The following NFIB variants were observed in gnomAD, a reference collection of about 807,000 sequenced individuals.
NFIB encodes the protein nuclear factor I B, also known as nuclear factor 1 B-type.
Under a neutral mutation model 61.5 loss-of-function variants are expected in NFIB, and 11 were observed. The ratio of observed to expected loss-of-function variants is 0.18; its 90% CI spans 0.11 to 0.30. The LOEUF (loss-of-function observed/expected upper bound fraction) is 0.30, where lower values mean the gene tolerates loss of function less well. Among genes scored for constraint, NFIB ranks in the 10% least tolerant of loss-of-function variants. NFIB has a pLI of 1.00. For missense variants in NFIB, 471 were observed against 608.9 expected, an observed-to-expected ratio of 0.77 and a Z score of 2.38; for synonymous variants, 260 against 216.5, an observed-to-expected ratio of 1.20 and a Z score of -1.76.
At chr9:14,138,031 G>C (rs958935876) in intron 6 of NFIB, among the ~76,000 whole-genome samples, 4 of 152,100 alleles carry the variant, frequency 2.6e-5, no homozygotes, top group Non-Finnish European at 5.9e-5. Flanking sequence ...TTGGGATACA[G>C]TATTATATAG....
upstream of NFIB, among the ~76,000 whole-genome samples, chr9:14,319,115 C>T (rs746894206): frequency 1.3e-5 from 2 of 151,824 alleles, no homozygotes; most frequent in South Asian, 4.2e-4. Flanking sequence ...TTTGGTGTCC[C>T]CTGAGGACAA....
rs558137907 is a variant in NFIB at position 14,117,359 on chromosome 9, T to C, written c.1246-1013A>G. Among the ~76,000 whole-genome samples, 33 of 152,304 alleles carry C rather than the reference T, an allele frequency of 2.2e-4. No individual in the cohort carries two copies. In the East Asian group the frequency reaches 6.2e-3, roughly 29 times the overall value. ...CACTCTTTGAAGAAATAGTGGAATA[T>C]ATTTTTCTAGACTGAGAATGTTATT... On this transcript the variant is annotated intron_variant, in intron 8 of 10. Transcript: ENST00000380953.
rs531412530 is a variant in NFIB, at chr9:14,085,978, A to G, written c.*2331T>C. 2.2e-5 allele frequency: 5 copies of G among 229,742 alleles called. No individual in the cohort carries two copies. The East Asian group carries it at 3.1e-4, about 14-fold the overall frequency. 14.2% of individuals were successfully genotyped at this position (229,742 alleles called of 1,614,324 possible). ...CCACTGTGGATCTGGAACTTTCAAGAAAAACTATCACCAAGCCAAGTCTGC... is the reference window on the plus strand; with the variant it reads ...CCACTGTGGATCTGGAACTTTCAAGGAAAACTATCACCAAGCCAAGTCTGC... On this transcript the variant is annotated 3_prime_UTR_variant, in exon 11 of 11. Coordinates refer to ENST00000380953, the MANE Select transcript of NFIB (RefSeq NM_001190737.2).
intron 7 of NFIB, among the ~76,000 whole-genome samples, chr9:14,124,341 T>C (rs942278397): frequency 5.9e-5 from 9 of 152,184 alleles, no homozygotes. Context: ...TTCACCTATC[T>C]CAATGGTATA....
intron 1 of NFIB, among the ~76,000 whole-genome samples, chr9:14,393,270 T>C (rs373401082): frequency 6.6e-6 from 1 of 152,186 alleles, no homozygotes; most frequent in African/African-American, 2.4e-5. Context: ...TTTGTCACAC[T>C]GCAACATTGG....
At chr9:14,278,011 C>A (rs1202514769) in intron 2 of NFIB, among the ~76,000 whole-genome samples, 1 of 152,106 alleles carries the variant, frequency 6.6e-6, no homozygotes, top group Non-Finnish European at 1.5e-5. Flanking sequence ...TCCCTGCCAC[C>A]CTGCCTCATG....
chr9:14,431,580 C>G, the NFIB span, among the ~76,000 whole-genome samples: 1,833 of 150,712 alleles, frequency 0.012, 18 homozygotes, highest in Middle Eastern at 0.038. Flanking sequence ...GTATATTATT[C>G]TTTTAATTAT....
chr9:14,284,433 G>A (rs993692229), intron 2 of NFIB, among the ~76,000 whole-genome samples: 48 of 152,134 alleles, frequency 3.2e-4, no homozygotes, highest in Non-Finnish European at 2.1e-4. Flanking sequence ...TGAATGTAAT[G>A]TATAGGAATA....
At chr9:14,286,654 G>C (rs2058726414) in intron 2 of NFIB, among the ~76,000 whole-genome samples, 1 of 152,062 alleles carries the variant, frequency 6.6e-6, no homozygotes, top group Admixed American at 6.5e-5. Context: ...ACAAAAATTG[G>C]GTAATTCTTC....
rs1029032204 is a variant in NFIB, at chr9:14,398,414, C to A, written c.108+110G>T. ...AAAACCAGCCCTGCAACAGGAAGGA[C>A]CTTCTCTAGAGCAGCCATATTTTCT... On this transcript the variant is annotated intron_variant, in intron 1 of 8. Coordinates refer to the NFIB transcript ENST00000380934. 5 of 730,300 alleles carry A rather than the reference C, an allele frequency of 6.8e-6. No homozygotes were observed. In the African/African-American group the frequency reaches 7.3e-5, roughly 11 times the overall value. 45.2% of individuals were successfully genotyped at this position (730,300 alleles called of 1,614,324 possible). A position where few individuals can be genotyped will look rare whatever the true frequency, so the allele number is the denominator to read the frequency against.
At chr9:14,451,732 T>C in the NFIB span, among the ~76,000 whole-genome samples, 2 of 152,210 alleles carry the variant, frequency 1.3e-5, no homozygotes, top group Non-Finnish European at 2.9e-5. Flanking sequence ...TAACATAGAA[T>C]ATGAAAACTT....
At chr9:14,231,409 T>C (rs925923010) in intron 2 of NFIB, among the ~76,000 whole-genome samples, 2 of 151,414 alleles carry the variant, frequency 1.3e-5, no homozygotes, top group Non-Finnish European at 2.9e-5. Context: ...TGTTCAAGGG[T>C]GACAGAGGGA....
At chr9:14,371,831 T>C (rs117515468) in intron 1 of NFIB, among the ~76,000 whole-genome samples, 3,206 of 152,280 alleles carry the variant, frequency 0.021, 53 homozygotes, top group Middle Eastern at 0.031. Flanking sequence ...AAATACCAAC[T>C]GCTATTTGTC....
chr9:14,106,581 A>G (rs942698413), intron 10 of NFIB, among the ~76,000 whole-genome samples: 1 of 152,122 alleles, frequency 6.6e-6, no homozygotes, highest in Non-Finnish European at 1.5e-5. Flanking sequence ...AAAGAAAAAA[A>G]GAAAAAGGAT....
intron 3 of NFIB, among the ~76,000 whole-genome samples, chr9:14,158,226 T>A (rs904003675): frequency 1.8e-4 from 28 of 152,292 alleles, no homozygotes; most frequent in African/African-American, 6.7e-4. Flanking sequence ...CAATTGTACT[T>A]TGTAAATGCC....
rs537249116 is a variant in NFIB, at chr9:14,261,293, G to A, written c.562+45696C>T. Among the ~76,000 whole-genome samples the A allele has an allele frequency of 3.5e-4, 53 of 152,172 alleles. 1 individual carries two copies. In the South Asian group the frequency reaches 0.011, roughly 30 times the overall value. ...GATCATACCATTGCACTCCAGCCTG[G>A]GCAATAGAGCAGGACTCCGTCTCAA... On this transcript the variant is annotated intron_variant, in intron 2 of 10. Coordinates refer to ENST00000380953, the MANE Select transcript of NFIB (RefSeq NM_001190737.2).
At chr9:14,135,461 A>G (rs996872145) in intron 6 of NFIB, among the ~76,000 whole-genome samples, 2 of 152,234 alleles carry the variant, frequency 1.3e-5, no homozygotes, top group Non-Finnish European at 2.9e-5. Context: ...AGAAAAAAGA[A>G]TATCTAAATA....
chr9:14,400,565 G>A (rs541638897), upstream of NFIB, among the ~76,000 whole-genome samples: 1 of 152,084 alleles, frequency 6.6e-6, no homozygotes, highest in African/African-American at 2.4e-5. Context: ...CACCAGCTAA[G>A]AATAAAAGCA....
intron 1 of NFIB, among the ~76,000 whole-genome samples, chr9:14,321,415 T>C (rs1234937910): frequency 1.3e-5 from 2 of 152,164 alleles, no homozygotes; most frequent in Non-Finnish European, 2.9e-5. Flanking sequence ...GACTAAACTT[T>C]AGAATGAATA....
Sources: allele counts gnomAD v4.1 joint callset (sites outside exome capture counted in the v4.1 genomes callset), GRCh38; gene constraint gnomAD v4.1.1; transcripts MANE v1.5; gene names NCBI Gene and HGNC (gene_info 2026-07-23, HGNC 2026-07-21).